RALY: variants seen among roughly 807,000 people sequenced by gnomAD.
The protein encoded by RALY is RNA-binding protein Raly.
Under a neutral mutation model 30.7 loss-of-function variants are expected in RALY, and 15 were observed. That is an observed-to-expected ratio of 0.49 (90% CI 0.33 to 0.75). The LOEUF (loss-of-function observed/expected upper bound fraction) is 0.75, where lower values mean the gene tolerates loss of function less well. RALY is among the 30% of genes least tolerant of loss of function. The pLI, the probability that RALY is intolerant of heterozygous loss-of-function variation, is 0.02. For synonymous variants in RALY, 177 were observed against 170.8 expected (o/e 1.04, Z -0.28); for missense variants, 339 against 414.3 (o/e 0.82, Z 1.58).
intron 2 of RALY, among the ~76,000 whole-genome samples, chr20:34,069,816 CTG>C (rs747062054): frequency 6.6e-6 from 1 of 152,216 alleles, no homozygotes; most frequent in African/African-American, 2.4e-5. Flanking sequence ...TAACAAGAGT[CTG>C]TCTCTTTCCA....
chr20:34,060,027 C>T (rs1333925087), intron 2 of RALY, among the ~76,000 whole-genome samples: 1 of 152,220 alleles, frequency 6.6e-6, no homozygotes, highest in Non-Finnish European at 1.5e-5. Context: ...ATTCATTCAG[C>T]ACTTAATAAG....
chr20:34,031,214 T>A (rs1369496849), intron 1 of RALY, among the ~76,000 whole-genome samples: 1 of 142,108 alleles, frequency 7.0e-6, no homozygotes, highest in African/African-American at 2.7e-5. Context: ...CTGGCTAATT[T>A]TTTTTTTTTT....
chr20:34,038,447 G>T (rs1372947449), intron 2 of RALY, among the ~76,000 whole-genome samples: 1 of 152,150 alleles, frequency 6.6e-6, no homozygotes, highest in African/African-American at 2.4e-5. Flanking sequence ...CAGATTGGGG[G>T]GTGCTCAAAA....
Position 34,077,210 on chromosome 20 carries a change from G to A in RALY, c.841G>A (p.Glu281Lys). 2 of 1,613,866 alleles carry A rather than the reference G, an allele frequency of 1.2e-6. No individual in the cohort carries two copies. Among genetic ancestry groups the A allele is most frequent in the Non-Finnish European group, 1.7e-6 (2 of 1,179,924 alleles). Reference sequence around the variant, plus strand: ...AGCACGGACCCGAGACGACGGCGATGAGGAAGGGCTCCTGACACACAGCGA... The same window carrying A: ...AGCACGGACCCGAGACGACGGCGATAAGGAAGGGCTCCTGACACACAGCGA... ...GEARTRDDGDEEGLLTHSEEE... is the reference protein window; with the variant it reads ...GEARTRDDGDKEGLLTHSEEE... Residue 281 changes from glutamate to lysine, a missense_variant, in exon 8 of 10, where the codon GAG becomes AAG. Physicochemically the swap from Glu to Lys is moderately conservative, Grantham distance 56. Transcript: ENST00000246194.
At chr20:34,054,370 A>C (rs1400289363) in intron 2 of RALY, among the ~76,000 whole-genome samples, 1 of 152,210 alleles carries the variant, frequency 6.6e-6, no homozygotes, top group Admixed American at 6.5e-5. Context: ...CAGATGTTGC[A>C]GTAGAGGTCA....
chr20:34,074,724 C>T (rs932779318), intron 5 of RALY, among the ~76,000 whole-genome samples: 3 of 152,212 alleles, frequency 2.0e-5, no homozygotes, highest in African/African-American at 7.2e-5. Flanking sequence ...CAAGTGATCT[C>T]TCCAGGCTCC....
intron 1 of RALY, among the ~76,000 whole-genome samples, chr20:34,001,306 G>GA (rs1450501280): frequency 6.6e-6 from 1 of 152,148 alleles, no homozygotes; most frequent in Non-Finnish European, 1.5e-5. Flanking sequence ...GGTAATAATG[G>GA]AAAAACACTA....
chr20:33,999,451 A>G (rs567231364), intron 1 of RALY, among the ~76,000 whole-genome samples: 5 of 152,260 alleles, frequency 3.3e-5, no homozygotes, highest in African/African-American at 1.2e-4. Context: ...TGATGCAAAC[A>G]TTAGTTTAGG....
At chr20:34,005,112 G>A (rs377629706) in intron 1 of RALY, among the ~76,000 whole-genome samples, 14 of 152,278 alleles carry the variant, frequency 9.2e-5, no homozygotes, top group African/African-American at 2.6e-4. Flanking sequence ...GTGTCAGGTC[G>A]CGGGGTGTTT....
intron 1 of RALY, among the ~76,000 whole-genome samples, chr20:34,015,598 TAACCTCCCACA>T (rs2031575367): frequency 6.6e-6 from 1 of 152,024 alleles, no homozygotes; most frequent in African/African-American, 2.4e-5. Flanking sequence ...TTTTTTTTTT[TAACCTCCCACA>T]GTGCTGGGGG....
chr20:34,015,850 C>T (rs991820328), intron 1 of RALY, among the ~76,000 whole-genome samples: 1 of 152,070 alleles, frequency 6.6e-6, no homozygotes, highest in Non-Finnish European at 1.5e-5. Flanking sequence ...CATGTGCACA[C>T]ACACACACAC....
At chr20:34,035,855 A>C (rs1338750657) in intron 2 of RALY, among the ~76,000 whole-genome samples, 5 of 152,264 alleles carry the variant, frequency 3.3e-5, no homozygotes, top group South Asian at 4.1e-4. Flanking sequence ...TTATTAAAGA[A>C]GGCCTCTCAG....
chr20:34,076,783 A>C lies in RALY; in HGVS notation c.626A>C (p.Glu209Ala). ...ATCGATGCCCTGCTGAGCCGCTTGG[A>C]GCAGATCGCTGCGGAGCAAAAGGCC... ...SNIDALLSRL[E>A]QIAAEQKANP... Residue 209 changes from glutamate to alanine, a missense_variant, in exon 7 of 10, where the codon GAG becomes GCG. Physicochemically the swap from Glu to Ala is moderately radical, Grantham distance 107 (BLOSUM62 -1). Coordinates refer to ENST00000246194, the MANE Select transcript of RALY (RefSeq NM_016732.3). 1 of 1,614,144 alleles carries C rather than the reference A, an allele frequency of 6.2e-7. No individual in the cohort carries two copies.
intron 2 of RALY, among the ~76,000 whole-genome samples, chr20:34,056,758 A>C (rs2033257083): frequency 1.3e-5 from 2 of 152,100 alleles, no homozygotes; most frequent in Admixed American, 1.3e-4. Flanking sequence ...CTACCCCACC[A>C]CCTGCCCAAT....
chr20:33,997,089 G>GC (rs1172027914), intron 1 of RALY, among the ~76,000 whole-genome samples: 1 of 151,928 alleles, frequency 6.6e-6, no homozygotes, highest in African/African-American at 2.4e-5. Flanking sequence ...ATCTCTGCTG[G>GC]CCCCCCAGTA....
chr20:34,041,503 T>G (rs1568674136), intron 2 of RALY, among the ~76,000 whole-genome samples: 1 of 152,222 alleles, frequency 6.6e-6, no homozygotes, highest in Non-Finnish European at 1.5e-5. Context: ...CTCTCTGGCG[T>G]TGGGCGTACC....
At chr20:34,048,927 C>T (rs2032983422) in intron 2 of RALY, among the ~76,000 whole-genome samples, 1 of 151,764 alleles carries the variant, frequency 6.6e-6, no homozygotes, top group African/African-American at 2.4e-5. Flanking sequence ...ATTCAGCCTT[C>T]AACAGATACT....
intron 2 of RALY, among the ~76,000 whole-genome samples, chr20:34,066,962 A>T: frequency 6.6e-6 from 1 of 152,308 alleles, no homozygotes; most frequent in East Asian, 1.9e-4. Flanking sequence ...AAGGTAACAT[A>T]ATCTTGCCAG....
At chr20:34,028,200 C>T (rs895907779) in intron 1 of RALY, among the ~76,000 whole-genome samples, 4 of 151,434 alleles carry the variant, frequency 2.6e-5, no homozygotes, top group African/African-American at 9.7e-5. Flanking sequence ...ACAGGAGAAT[C>T]GCTTGAAACC....
Sources: allele counts gnomAD v4.1 joint callset (sites outside exome capture counted in the v4.1 genomes callset), GRCh38; gene constraint gnomAD v4.1.1; transcripts MANE v1.5; gene names NCBI Gene and HGNC (gene_info 2026-07-23, HGNC 2026-07-21).